EGFR: variants seen among roughly 807,000 people sequenced by gnomAD.
The protein encoded by EGFR is epidermal growth factor receptor, also known as avian erythroblastic leukemia viral (v-erb-b) oncogene homolog.
Under a neutral mutation model 143.0 loss-of-function variants are expected in EGFR, and 58 were observed. The observed-to-expected ratio is 0.41, with a 90% CI of 0.33 to 0.50. EGFR has a LOEUF of 0.50. Ranked by LOEUF, EGFR falls within the 20% of genes least tolerant of loss-of-function variation. The probability of loss-of-function intolerance (pLI) is 0.39; values close to 1 mark genes in which losing one functional copy is unlikely to be tolerated. For synonymous variants in EGFR, 613 were observed against 594.4 expected (o/e 1.03, Z -0.45); for missense variants, 1,307 against 1,579.0 (o/e 0.83, Z 2.92).
chr7:55,124,595 T>C (rs1206392839), intron 1 of EGFR, among the ~76,000 whole-genome samples: 1 of 152,204 alleles, frequency 6.6e-6, no homozygotes, highest in Non-Finnish European at 1.5e-5. Context: ...ATCCAAAGGA[T>C]GGATCCCTCG....
At chr7:55,073,634 T>C (rs1789963634) in intron 1 of EGFR, among the ~76,000 whole-genome samples, 2 of 152,254 alleles carry the variant, frequency 1.3e-5, no homozygotes, top group Admixed American at 6.5e-5. Flanking sequence ...TGGGCATTTA[T>C]AGCTATTAAT....
rs576061722 is a variant in EGFR, at chr7:55,156,734, A to G, written c.1134-25A>G. 2.5e-5 allele frequency: 40 copies of G among 1,613,914 alleles called. No homozygotes were observed. The South Asian group carries it at 3.2e-4, about 13-fold the overall frequency. On this transcript the variant is annotated intron_variant, in intron 9 of 27. Coordinates refer to ENST00000275493, the MANE Select transcript of EGFR (RefSeq NM_005228.5). ...TTTAACTGGTAGAGATTGGTGATCA[A>G]TAATCACCCTGTTGTTTGTTTCAGT...
chr7:55,091,887 CA>C lies in EGFR; in HGVS notation c.89-50398del, dbSNP rs1562706258. On this transcript the variant is annotated intron_variant, in intron 1 of 27. Coordinates refer to ENST00000275493, the MANE Select transcript of EGFR (RefSeq NM_005228.5). ...ACACACACACACACACACACACACA[CA>C]CACCCTGAGAGAGAGAAAGAGAGAG... 2.8e-3 allele frequency among the ~76,000 whole-genome samples: 293 copies of C among 103,130 alleles called. 2 individuals are homozygous for C. Among genetic ancestry groups the C allele is most frequent in the African/African-American group, 0.011 (271 of 24,274 alleles). 67.7% of individuals were successfully genotyped at this position (103,130 alleles called of 152,430 possible).
At chr7:55,167,763 T>C (rs2128948968) in intron 15 of EGFR, among the ~76,000 whole-genome samples, 1 of 152,286 alleles carries the variant, frequency 6.6e-6, no homozygotes, top group East Asian at 1.9e-4. Flanking sequence ...ATGATGATGA[T>C]TTGTCAACTT....
intron 1 of EGFR, among the ~76,000 whole-genome samples, chr7:55,123,863 A>G (rs1478646019): frequency 6.7e-6 from 1 of 149,346 alleles, no homozygotes; most frequent in Admixed American, 6.9e-5. Context: ...CCGTATGTGC[A>G]TGCATGCACG....
At chr7:55,111,347 C>T (rs1056449479) in intron 1 of EGFR, among the ~76,000 whole-genome samples, 4 of 151,582 alleles carry the variant, frequency 2.6e-5, no homozygotes, top group African/African-American at 9.7e-5. Context: ...AGGCAGGTTT[C>T]ATCTCGCTTG....
At chr7:55,082,437 C>T (rs77262529) in intron 1 of EGFR, among the ~76,000 whole-genome samples, 2,042 of 152,118 alleles carry the variant, frequency 0.013, 36 homozygotes, top group African/African-American at 0.046. Flanking sequence ...CTTTTGGAGA[C>T]TCACAGCAAT....
chr7:55,088,541 A>G (rs1790904478), intron 1 of EGFR, among the ~76,000 whole-genome samples: 1 of 152,204 alleles, frequency 6.6e-6, no homozygotes, highest in South Asian at 2.1e-4. Context: ...CGCACTTGCA[A>G]ATTAGATGCC....
rs370409092 is a variant in EGFR at position 55,173,953 on chromosome 7, T to C, written c.2094T>C (p.Ala698=). 18 of 1,614,058 alleles carry C rather than the reference T, an allele frequency of 1.1e-5. No individual in the cohort carries two copies. In the African/African-American group the frequency reaches 2.3e-4, roughly 20 times the overall value. ...AGCCTCTTACACCCAGTGGAGAAGC[T>C]CCCAACCAAGCTCTCTTGAGGATCT... ...LVEPLTPSGE[A]PNQALLRILK... The change falls in exon 18 of 28, where the codon GCT becomes GCC. Residue 698 remains alanine, a synonymous_variant. Transcript: ENST00000275493.
At chr7:55,174,889 G>C (rs17337135) in intron 19 of EGFR, 69 bp downstream of exon 19, 2 of 1,243,708 alleles carry the variant, frequency 1.6e-6, no homozygotes, top group South Asian at 2.4e-5. Context: ...CTCATGTCTG[G>C]CAGCTGCTCT....
At position 55,101,959 on chromosome 7, in the gene EGFR, T is replaced by C. The variant is rs149346152; in HGVS notation, c.89-40327T>C. On this transcript the variant is annotated intron_variant, in intron 1 of 27. Transcript: ENST00000275493. Reference sequence around the variant, plus strand: ...ACGTGGTGAGGGGAAGAGGTTGTGCTATGTCGGGAAACTCTGTATCGAAGC... The same window carrying C: ...ACGTGGTGAGGGGAAGAGGTTGTGCCATGTCGGGAAACTCTGTATCGAAGC... 8.5e-4 allele frequency among the ~76,000 whole-genome samples: 129 copies of C among 152,280 alleles called. 1 individual carries two copies. Among genetic ancestry groups the C allele is most frequent in the African/African-American group, 2.9e-3 (122 of 41,558 alleles).
At chr7:55,165,222 C>T (rs1785905766) in intron 14 of EGFR, 58 bp from the exon 15 acceptor site, 1 of 1,611,984 alleles carries the variant, frequency 6.2e-7, no homozygotes, top group Non-Finnish European at 8.5e-7. Flanking sequence ...AAGTTACTTC[C>T]ATTTTGAAAG....
chr7:55,094,776 A>G (rs1479642276), intron 1 of EGFR, among the ~76,000 whole-genome samples: 1 of 152,250 alleles, frequency 6.6e-6, no homozygotes, highest in Non-Finnish European at 1.5e-5. Context: ...TTGATATGGG[A>G]TTACATTTTC....
At chr7:55,169,470 T>C (rs1042964778) in intron 15 of EGFR, among the ~76,000 whole-genome samples, 2 of 152,106 alleles carry the variant, frequency 1.3e-5, no homozygotes, top group Admixed American at 6.5e-5. Context: ...GAAATCTTTA[T>C]CCTAATAAAC....
intron 4 of EGFR, 72 bp downstream of exon 4, chr7:55,146,812 G>A (rs570971941): frequency 3.1e-6 from 5 of 1,600,150 alleles, no homozygotes; most frequent in Non-Finnish European, 4.3e-6. Context: ...TGGGGCAGGG[G>A]AGAGAAGCCA....
At chr7:55,110,459 G>A (rs1792408540) in intron 1 of EGFR, among the ~76,000 whole-genome samples, 1 of 152,208 alleles carries the variant, frequency 6.6e-6, no homozygotes, top group South Asian at 2.1e-4. Flanking sequence ...CACACACTGG[G>A]AAAGGCGGAC....
rs1042855285 is a variant in EGFR, at chr7:55,209,011, C to A, written c.*3394C>A. 1 of 152,124 alleles carries A rather than the reference C, an allele frequency of 6.6e-6. No individual in the cohort carries two copies. The highest frequency in any genetic ancestry group is 1.5e-5 in the Non-Finnish European group (1 of 68,020). 9.4% of individuals were successfully genotyped at this position (152,124 alleles called of 1,614,324 possible). A position where few individuals can be genotyped will look rare whatever the true frequency, so the allele number is the denominator to read the frequency against. The stretch of plus-strand genomic sequence containing the variant: ...TGGCACTCGCTGGGGGGCCACCCCC[C>A]AGTGCCACTCTCACTAGGCCTCTGA... On this transcript the variant is annotated 3_prime_UTR_variant, in exon 28 of 28. Coordinates refer to ENST00000275493, the MANE Select transcript of EGFR (RefSeq NM_005228.5).
chr7:55,136,536 G>T (rs553869171), intron 1 of EGFR, among the ~76,000 whole-genome samples: 1 of 152,128 alleles, frequency 6.6e-6, no homozygotes, highest in Non-Finnish European at 1.5e-5. Flanking sequence ...CATACCAGTA[G>T]GTCCAATAAG....
Position 55,201,238 on chromosome 7 carries a change from T to G in EGFR, c.2997T>G (p.Arg999=), listed in dbSNP as rs759622671. The G allele has an allele frequency of 1.9e-6, 3 of 1,614,176 alleles. No individual in the cohort carries two copies. Among genetic ancestry groups the G allele is most frequent in the Non-Finnish European group, 2.5e-6 (3 of 1,180,036 alleles). The change falls in exon 25 of 28, where the codon CGT becomes CGG. Residue 999 remains arginine, a synonymous_variant. Coordinates refer to ENST00000275493, the MANE Select transcript of EGFR (RefSeq NM_005228.5). ...GTCCTACAGACTCCAACTTCTACCG[T>G]GCCCTGATGGATGAAGAAGACATGG... ...LPSPTDSNFY[R]ALMDEEDMDD...
Sources: allele counts gnomAD v4.1 joint callset (sites outside exome capture counted in the v4.1 genomes callset), GRCh38; gene constraint gnomAD v4.1.1; transcripts MANE v1.5; gene names NCBI Gene and HGNC (gene_info 2026-07-23, HGNC 2026-07-21).